The following RCOR3 variants were observed in gnomAD, a reference collection of about 807,000 sequenced individuals.
RCOR3 encodes REST corepressor 3.
A neutral mutation model predicts 64.1 loss-of-function variants in RCOR3; 13 were observed. That is an observed-to-expected ratio of 0.20 (90% confidence interval 0.13 to 0.32). RCOR3 has a LOEUF of 0.32. Among genes scored for constraint, RCOR3 ranks in the 10% least tolerant of loss-of-function variants. The probability of loss-of-function intolerance (pLI) is 1.00; values close to 1 mark genes in which losing one functional copy is unlikely to be tolerated. For synonymous variants in RCOR3, 215 were observed against 239.0 expected, an observed-to-expected ratio of 0.90 and a Z score of 0.93; for missense variants, 489 against 701.2, an observed-to-expected ratio of 0.70 and a Z score of 3.42.
rs2102524110 is a variant in RCOR3 at position 211,281,057 on chromosome 1, T to G, written c.720+1741T>G. On this transcript the variant is annotated intron_variant, in intron 7 of 11. Transcript: ENST00000419091. ...ATCATCCTTCTTAGCACTACGTCACTTTTGAGTTTGCTTTAGTCAGGCAGC... is the reference window on the plus strand; with the variant it reads ...ATCATCCTTCTTAGCACTACGTCACGTTTGAGTTTGCTTTAGTCAGGCAGC... Among the ~76,000 whole-genome samples, 3 of 151,398 alleles carry G rather than the reference T, an allele frequency of 2.0e-5. No individual in the cohort carries two copies. The South Asian group carries it at 6.3e-4, about 32-fold the overall frequency.
intron 10 of RCOR3, among the ~76,000 whole-genome samples, chr1:211,304,834 G>A (rs1429945991): frequency 1.3e-5 from 2 of 152,150 alleles, no homozygotes; most frequent in African/African-American, 4.8e-5. Context: ...TTAAAGACAA[G>A]TTGTATATTT....
rs187276623 is a variant in RCOR3, at chr1:211,275,055, T to G, written c.354+793T>G. Among the ~76,000 whole-genome samples, 28 of 151,350 alleles carry G rather than the reference T, an allele frequency of 1.9e-4. 1 individual carries two copies. Among genetic ancestry groups the G allele is most frequent in the South Asian group, 2.1e-4 (1 of 4,818 alleles). On this transcript the variant is annotated intron_variant, in intron 4 of 11. Transcript: ENST00000419091. ...TCTATTATATATAATATACTATATA[T>G]AGAGAGACAAATATATGGTACATTA...
At chr1:211,273,716 T>C (rs1419816784) in intron 3 of RCOR3, among the ~76,000 whole-genome samples, 1 of 152,220 alleles carries the variant, frequency 6.6e-6, no homozygotes, top group Non-Finnish European at 1.5e-5. Context: ...TTTAGAGTAC[T>C]GAAGCATACA....
At position 211,312,946 on chromosome 1, in the gene RCOR3, T is replaced by G. The variant is rs1572030180; in HGVS notation, c.1302T>G (p.Thr434=). 6.2e-7 allele frequency: 1 copy of G among 1,614,170 alleles called. No individual in the cohort carries two copies. Among genetic ancestry groups the G allele is most frequent in the African/African-American group, 1.3e-5 (1 of 75,040 alleles). Residue 434 remains threonine, a synonymous_variant, in exon 11 of 12, where the codon ACT becomes ACG. Coordinates refer to ENST00000419091, the MANE Select transcript of RCOR3 (RefSeq NM_001136223.3). The surrounding 1 kb of genome is among the most constrained non-coding windows in gnomAD (Gnocchi z 5.0). ...CTAATGTGCCATCAGGGAAGAGCAC[T>G]GATGAAGAAGAGGAGGTGTGTTTGT... ...SASNVPSGKS[T]DEEEEAQTPQ...
rs1374400285 is a variant in RCOR3 at position 211,314,193 on chromosome 1, G to A, written c.*425G>A. ...TAAGTTTCTTAAGTTAAGGATGTTT[G>A]GCTTTTTTCTTTAATTTTTTAAAAA... On this transcript the variant is annotated 3_prime_UTR_variant, in exon 12 of 12. Coordinates refer to ENST00000419091, the MANE Select transcript of RCOR3 (RefSeq NM_001136223.3). The A allele has an allele frequency of 6.5e-6, 1 of 154,276 alleles. No individual in the cohort carries two copies. Among genetic ancestry groups the A allele is most frequent in the Non-Finnish European group, 1.4e-5 (1 of 69,632 alleles). 9.6% of individuals were successfully genotyped at this position (154,276 alleles called of 1,614,324 possible).
At chr1:211,259,833 T>A in intron 1 of RCOR3, 107 bp downstream of exon 1, 1 of 1,016,034 alleles carries the variant, frequency 9.8e-7, no homozygotes, top group Non-Finnish European at 1.3e-6. Flanking sequence ...CCTCAGAGCC[T>A]GGGCGCTGCG....
At chr1:211,292,038 G>A (rs1005105296) in intron 8 of RCOR3, among the ~76,000 whole-genome samples, 1 of 152,144 alleles carries the variant, frequency 6.6e-6, no homozygotes, top group Non-Finnish European at 1.5e-5. Flanking sequence ...TGAGGAGAGA[G>A]GATCGCCTGA....
chr1:211,259,717 G>A lies in RCOR3; in HGVS notation c.157G>A (p.Asp53Asn). The A allele has an allele frequency of 6.6e-7, 1 of 1,510,570 alleles. No homozygotes were observed. Among genetic ancestry groups the A allele is most frequent in the Non-Finnish European group, 8.9e-7 (1 of 1,128,574 alleles). The allele number at this position is 1,510,570 out of a possible 1,614,324, so 93.6% of individuals were successfully genotyped here. A position where few individuals can be genotyped will look rare whatever the true frequency, so the allele number is the denominator to read the frequency against. The change falls in exon 1 of 12, where the codon GAC becomes AAC. Residue 53 changes from aspartate (D) to asparagine (N), a missense_variant. Physicochemically the swap from Asp to Asn is conservative, Grantham distance 23. Around this residue, in one of 2 missense-constraint regions of RCOR3, gnomAD observed 87 missense variants for 84.3 expected, o/e 1.03. Coordinates refer to ENST00000419091, the MANE Select transcript of RCOR3 (RefSeq NM_001136223.3). ...SEPESGCSSD[D>N]EHDVGMRVGA... ...GCCCGAGAGCGGCTGCAGCAGCGAC[G>A]ACGAGCACGGTGGTAGCCTCGAACT... is the stretch of plus-strand genomic sequence containing the variant.
chr1:211,303,446 T>C (rs1361653648), intron 9 of RCOR3: 1 of 152,270 alleles, frequency 6.6e-6, no homozygotes, highest in Non-Finnish European at 1.5e-5. Context: ...CAGTTCCTTC[T>C]GCAAACCCCT....
chr1:211,308,673 G>GTTT (rs545513442), intron 10 of RCOR3, among the ~76,000 whole-genome samples: 97 of 40,450 alleles, frequency 2.4e-3, no homozygotes, highest in East Asian at 0.011. Flanking sequence ...TTTTTTTTTT[G>GTTT]TTTTTTTTTT....
rs745915304 is a variant in RCOR3 at position 211,316,192 on chromosome 1, A to G, written c.*2424A>G. On this transcript the variant is annotated 3_prime_UTR_variant, in exon 12 of 12. Transcript: ENST00000419091. ...AAATCTACACCAAAGTGGTTTTTTA[A>G]AATTACATAACTAAAAATAAACCAC... 1 of 152,196 alleles carries G rather than the reference A, an allele frequency of 6.6e-6. No homozygotes were observed. Among genetic ancestry groups the G allele is most frequent in the Non-Finnish European group, 1.5e-5 (1 of 68,024 alleles). 9.4% of individuals were successfully genotyped at this position (152,196 alleles called of 1,614,324 possible).
At chr1:211,261,103 T>A (rs1255286984) in intron 2 of RCOR3, 1 of 152,258 alleles carries the variant, frequency 6.6e-6, no homozygotes, top group Admixed American at 6.5e-5. Context: ...CACCTTTTTT[T>A]TTCCTCCTTA....
Position 211,259,635 on chromosome 1 carries a change from G to A in RCOR3, c.75G>A (p.Pro25=). 1.3e-6 allele frequency: 2 copies of A among 1,547,078 alleles called. No individual in the cohort carries two copies. Among genetic ancestry groups the A allele is most frequent in the Non-Finnish European group, 1.7e-6 (2 of 1,145,438 alleles). The change falls in exon 1 of 12, where the codon CCG becomes CCA. Residue 25 remains proline, a synonymous_variant. Coordinates refer to ENST00000419091, the MANE Select transcript of RCOR3 (RefSeq NM_001136223.3). ...NRSANGSAKS[P]AGGGGSGASS... is the part of the protein sequence containing the mutation. ...CGGCCAACGGCAGCGCCAAGAGCCCGGCAGGCGGCGGCGGCAGCGGCGCCT... is the reference window on the plus strand; with the variant it reads ...CGGCCAACGGCAGCGCCAAGAGCCCAGCAGGCGGCGGCGGCAGCGGCGCCT...
intron 7 of RCOR3, among the ~76,000 whole-genome samples, chr1:211,286,586 C>T (rs986196842): frequency 1.5e-4 from 23 of 152,072 alleles, no homozygotes; most frequent in Admixed American, 1.4e-3. Flanking sequence ...GGATTACAGG[C>T]GTGAGCCACT....
chr1:211,277,079 CTG>C (rs1697082638), intron 5 of RCOR3, among the ~76,000 whole-genome samples: 1 of 147,760 alleles, frequency 6.8e-6, no homozygotes, highest in Non-Finnish European at 1.5e-5. Flanking sequence ...GCGCGAGACT[CTG>C]TCTCAAAAAA....
chr1:211,281,301 A>C (rs1697777466), intron 7 of RCOR3, among the ~76,000 whole-genome samples: 1 of 151,820 alleles, frequency 6.6e-6, no homozygotes, highest in Admixed American at 6.6e-5. Flanking sequence ...TTCTTACTCT[A>C]TTCCTTTTAT....
In RCOR3 at chr1:211,274,280, T is replaced by C. The variant is rs762787700; in HGVS notation, c.354+18T>C. The C allele has an allele frequency of 3.9e-6, 6 of 1,554,382 alleles. No individual in the cohort carries two copies. In the African/African-American group the frequency reaches 8.1e-5, roughly 21 times the overall value. On this transcript the variant is annotated intron_variant, in intron 4 of 11. Transcript: ENST00000419091. The stretch of plus-strand genomic sequence containing the variant: ...TGGAACAGGTATGTAGAGAAACACT[T>C]CAGTAGTAAGGCTTGTCCCAATATT...
At chr1:211,266,372 T>C (rs1695192721) in intron 2 of RCOR3, among the ~76,000 whole-genome samples, 3 of 152,176 alleles carry the variant, frequency 2.0e-5, no homozygotes, top group Admixed American at 1.3e-4. Flanking sequence ...TCGAATTATA[T>C]TTTCCTTTCC....
At chr1:211,268,629 G>A (rs937064747) in intron 2 of RCOR3, among the ~76,000 whole-genome samples, 4 of 151,780 alleles carry the variant, frequency 2.6e-5, no homozygotes, top group Admixed American at 6.6e-5. Flanking sequence ...CGTCCACCTC[G>A]GCCTCTCAAA....
Sources: gnomAD v4.1 joint callset for allele counts (sites outside exome capture counted in the v4.1 genomes callset) on GRCh38, gnomAD v4.1.1 for gene constraint, gnomAD v4.1.1 regional missense constraint, Gnocchi (gnomAD v3.1) non-coding constraint, MANE v1.5 for transcripts, NCBI Gene and HGNC (gene_info 2026-07-23, HGNC 2026-07-21) for gene names.